Variants in ECM2 observed in about 807,000 individuals in gnomAD.
The protein encoded by ECM2 is extracellular matrix protein 2.
ECM2 carries 57 observed loss-of-function variants against 67.5 expected under a neutral mutation model. The observed-to-expected ratio is 0.84, with a 90% CI of 0.68 to 1.05. The LOEUF (loss-of-function observed/expected upper bound fraction) is 1.05. ECM2 is among the 50% of genes least tolerant of loss of function. The probability of loss-of-function intolerance (pLI) is 0.00; values close to 1 mark genes in which losing one functional copy is unlikely to be tolerated. For synonymous variants in ECM2, 258 were observed against 294.5 expected (o/e 0.88, Z 1.27); for missense variants, 741 against 822.8 (o/e 0.90, Z 1.22).
chr9:92,503,055 G>A (rs1846787712), intron 7 of ECM2, among the ~76,000 whole-genome samples: 1 of 151,870 alleles, frequency 6.6e-6, no homozygotes, highest in Non-Finnish European at 1.5e-5. Context: ...TGATCTACCC[G>A]CCTCGGCCTC....
chr9:92,518,630 C>T (rs890042138), intron 2 of ECM2, among the ~76,000 whole-genome samples: 1 of 152,180 alleles, frequency 6.6e-6, no homozygotes, highest in African/African-American at 2.4e-5. Flanking sequence ...GGCACGGTGG[C>T]TCATGCCTGT....
chr9:92,522,690 T>C lies in ECM2; in HGVS notation c.177A>G (p.Thr59=). The change falls in exon 2 of 10, where the codon ACA becomes ACG. Residue 59 remains threonine (T), a synonymous_variant. Coordinates refer to ENST00000344604, the MANE Select transcript of ECM2 (RefSeq NM_001393.4). ...SNRQLGIQQT[T]VFTPVARLPI... ...GAAGTCTTGCTACTGGTGTAAAAAC[T>C]GTTGTTTGCTGAATTCCAAGCTGTC... 2 of 1,614,166 alleles carry C rather than the reference T, an allele frequency of 1.2e-6. No individual in the cohort carries two copies. Among genetic ancestry groups the C allele is most frequent in the Non-Finnish European group, 1.7e-6 (2 of 1,180,016 alleles).
At chr9:92,496,823 G>A (rs543543414) in intron 9 of ECM2, among the ~76,000 whole-genome samples, 49 of 152,118 alleles carry the variant, frequency 3.2e-4, no homozygotes, top group East Asian at 3.9e-4. Context: ...AACTTATATC[G>A]CAGATACAAA....
Position 92,517,970 on chromosome 9 carries a change from C to T in ECM2, c.293-95G>A. 5 of 1,404,116 alleles carry T rather than the reference C, an allele frequency of 3.6e-6. No homozygotes were observed. In the South Asian group the frequency reaches 5.1e-5, roughly 14 times the overall value. 87.0% of individuals were successfully genotyped at this position (1,404,116 alleles called of 1,614,324 possible). A position where few individuals can be genotyped will look rare whatever the true frequency, so the allele number is the denominator to read the frequency against. ...ACAATGTGAAGTCAAACTGCTCTAA[C>T]CACACAAGAATAGAATTCTATGTGC... On this transcript the variant is annotated intron_variant, in intron 2 of 9. Coordinates refer to ENST00000344604, the MANE Select transcript of ECM2 (RefSeq NM_001393.4).
At chr9:92,553,641 C>G in the ECM2 span, among the ~76,000 whole-genome samples, 1 of 151,950 alleles carries the variant, frequency 6.6e-6, no homozygotes, top group Non-Finnish European at 1.5e-5. Context: ...TAGGTATATT[C>G]CTAAATATTT....
intron 2 of ECM2, among the ~76,000 whole-genome samples, chr9:92,520,805 G>A (rs902939975): frequency 2.0e-5 from 3 of 152,146 alleles, no homozygotes; most frequent in African/African-American, 7.2e-5. Flanking sequence ...TCTGATACAG[G>A]CTAATAATAG....
the ECM2 span, among the ~76,000 whole-genome samples, chr9:92,553,611 A>C: frequency 6.6e-6 from 1 of 152,204 alleles, no homozygotes; most frequent in South Asian, 2.1e-4. Flanking sequence ...TTCCTTGTAG[A>C]GGTCTTTCGA....
chr9:92,508,438 G>A (rs925085630), intron 6 of ECM2, among the ~76,000 whole-genome samples: 4 of 152,238 alleles, frequency 2.6e-5, no homozygotes, highest in Admixed American at 2.6e-4. Flanking sequence ...ACTCTGGAAG[G>A]CAGTTCCAGG....
the ECM2 span, among the ~76,000 whole-genome samples, chr9:92,558,041 T>G: frequency 6.6e-6 from 1 of 152,176 alleles, no homozygotes; most frequent in Admixed American, 6.5e-5. Flanking sequence ...TCCCTTCACT[T>G]CTTGTATCAT....
intron 7 of ECM2, among the ~76,000 whole-genome samples, chr9:92,504,501 A>C (rs1846876451): frequency 6.6e-6 from 1 of 151,736 alleles, no homozygotes; most frequent in South Asian, 2.1e-4. Context: ...GTATGTATAG[A>C]CTCTCTGGAC....
downstream of ECM2, chr9:92,493,961 A>G (rs1429021374): frequency 2.5e-6 from 2 of 804,620 alleles, no homozygotes; most frequent in African/African-American, 1.7e-5. Context: ...CAGGCCGTTG[A>G]GGGTGGCCGT....
chr9:92,532,384 C>T (rs893685391), intron 1 of ECM2, among the ~76,000 whole-genome samples: 2 of 152,084 alleles, frequency 1.3e-5, no homozygotes, highest in Non-Finnish European at 2.9e-5. Flanking sequence ...TGTTATTCAT[C>T]ACATTTGGAA....
intron 2 of ECM2, among the ~76,000 whole-genome samples, chr9:92,518,294 G>A (rs760742208): frequency 6.6e-6 from 1 of 152,120 alleles, no homozygotes; most frequent in Non-Finnish European, 1.5e-5. Flanking sequence ...TGATCACTGC[G>A]GTAGTGGAAA....
the ECM2 span, among the ~76,000 whole-genome samples, chr9:92,546,342 A>C: frequency 3.3e-5 from 5 of 152,142 alleles, no homozygotes; most frequent in East Asian, 1.9e-4. Context: ...GTCCCCTTCC[A>C]CTGTGTGGAA....
At chr9:92,548,960 G>T in the ECM2 span, among the ~76,000 whole-genome samples, 2 of 152,168 alleles carry the variant, frequency 1.3e-5, no homozygotes, top group African/African-American at 2.4e-5. Context: ...GAAGAACAAG[G>T]CTATAAGACT....
rs1180553092 is a variant in ECM2 at position 92,533,315 on chromosome 9, AAAAAAAAAAAAAAATATATATATAT to A, written c.-28+2593_-28+2617del. ...ACTCGGTCTCAAACAAAAAAAAAAAAAAAAAAAAAAAAAATATATATATATATATATATATATATATATGCTTTGG... is the reference window on the plus strand; with the variant it reads ...ACTCGGTCTCAAACAAAAAAAAAAAAATATATATATATATATATGCTTTGG... On this transcript the variant is annotated intron_variant, in intron 1 of 9. Coordinates refer to ENST00000344604, the MANE Select transcript of ECM2 (RefSeq NM_001393.4). Among the ~76,000 whole-genome samples the A allele has an allele frequency of 1.5e-3, 147 of 101,366 alleles. 3 individuals are homozygous for A. The highest frequency in any genetic ancestry group is 5.3e-3 in the African/African-American group (134 of 25,444). 66.5% of individuals were successfully genotyped at this position (101,366 alleles called of 152,430 possible).
chr9:92,514,515 T>C lies in ECM2; in HGVS notation c.1054+116A>G, dbSNP rs561507163. ...GTCTCAAACCCCTGACCTCAGGTGA[T>C]CTGGCCACCTCAGCCTTTCAAAGTG... On this transcript the variant is annotated intron_variant, in intron 4 of 9. Coordinates refer to ENST00000344604, the MANE Select transcript of ECM2 (RefSeq NM_001393.4). The C allele has an allele frequency of 1.9e-4, 264 of 1,359,490 alleles. 2 individuals carry two copies. In the South Asian group the frequency reaches 4.3e-3, roughly 22 times the overall value. The allele number at this position is 1,359,490 out of a possible 1,614,324, so 84.2% of individuals were successfully genotyped here. A position where few individuals can be genotyped will look rare whatever the true frequency, so the allele number is the denominator to read the frequency against.
At position 92,500,902 on chromosome 9, in the gene ECM2, A is replaced by C; in HGVS notation, c.1756T>G (p.Leu586Val). 6.2e-7 allele frequency: 1 copy of C among 1,614,198 alleles called. No individual in the cohort carries two copies. The highest frequency in any genetic ancestry group is 2.2e-5 in the East Asian group (1 of 44,878). The change falls in exon 9 of 10, where the codon TTG (leucine) becomes GTG (valine). Residue 586 changes from leucine (L) to valine (V), a missense_variant. Coordinates refer to ENST00000344604, the MANE Select transcript of ECM2 (RefSeq NM_001393.4). ...FGHMEPGLEY[L>V]YLSFNKLADD... Reference sequence around the variant, plus strand: ...GCAAGTTTGTTAAATGACAGGTACAAGTATTCCAGGCCTGGTTCCATGTGG... The same window carrying C: ...GCAAGTTTGTTAAATGACAGGTACACGTATTCCAGGCCTGGTTCCATGTGG...
Position 92,533,328 on chromosome 9 carries a change from AATATATATATATAT to A in ECM2, c.-28+2591_-28+2604del, listed in dbSNP as rs202147064. 3.9e-4 allele frequency among the ~76,000 whole-genome samples: 15 copies of A among 38,336 alleles called. No homozygotes were observed. The East Asian group carries it at 5.9e-3, about 15-fold the overall frequency. The allele number at this position is 38,336 out of a possible 152,430, so 25.1% of individuals were successfully genotyped here. A position where few individuals can be genotyped will look rare whatever the true frequency, so the allele number is the denominator to read the frequency against. On this transcript the variant is annotated intron_variant, in intron 1 of 9. Transcript: ENST00000344604. ...CAAAAAAAAAAAAAAAAAAAAAAAA[AATATATATATATAT>A]ATATATATATATATATGCTTTGGGT... is the stretch of plus-strand genomic sequence containing the variant.
Sources: gnomAD v4.1 joint callset for allele counts (sites outside exome capture counted in the v4.1 genomes callset) on GRCh38, gnomAD v4.1.1 for gene constraint, MANE v1.5 for transcripts, NCBI Gene and HGNC (gene_info 2026-07-23, HGNC 2026-07-21) for gene names.